Variants in STARD10 observed in about 807,000 individuals in gnomAD.
The protein encoded by STARD10 is StAR related lipid transfer domain containing 10.
Under a neutral mutation model 36.0 loss-of-function variants are expected in STARD10, and 24 were observed. The observed-to-expected ratio is 0.67, with a 90% CI of 0.48 to 0.94. The LOEUF (loss-of-function observed/expected upper bound fraction) is 0.94. STARD10 is among the 40% of genes least tolerant of loss of function. The probability of loss-of-function intolerance (pLI) is 0.00; values close to 1 mark genes in which losing one functional copy is unlikely to be tolerated. For missense variants in STARD10, 335 were observed against 396.6 expected, an observed-to-expected ratio of 0.84 and a Z score of 1.32; for synonymous variants, 156 against 161.9, an observed-to-expected ratio of 0.96 and a Z score of 0.28.
chr11:72,784,275 G>A (rs1261648702), intron 1 of STARD10, among the ~76,000 whole-genome samples: 3 of 152,224 alleles, frequency 2.0e-5, no homozygotes, highest in African/African-American at 4.8e-5. Context: ...GGAGTCTGGG[G>A]AGGACCCACA....
At chr11:72,766,511 G>A (rs1858792772) in intron 2 of STARD10, among the ~76,000 whole-genome samples, 1 of 152,212 alleles carries the variant, frequency 6.6e-6, no homozygotes, top group Non-Finnish European at 1.5e-5. Flanking sequence ...GGGCAGGAAA[G>A]GGCATTTCAG....
At chr11:72,755,306 C>CAT in intron 6 of STARD10, 164 bp from the exon 7 acceptor site, 2 of 355,968 alleles carry the variant, frequency 5.6e-6, no homozygotes, top group Non-Finnish European at 9.5e-6. Flanking sequence ...ATTCTCCATT[C>CAT]TTTTTTTTTT....
chr11:72,775,102 T>C (rs1858913384), intron 2 of STARD10, among the ~76,000 whole-genome samples: 4 of 152,172 alleles, frequency 2.6e-5, no homozygotes. Flanking sequence ...CTGCTTAGGA[T>C]GCAGGCCCCA....
At chr11:72,755,173 G>C in intron 6 of STARD10, 31 bp from the exon 7 acceptor site, 1 of 1,587,794 alleles carries the variant, frequency 6.3e-7, no homozygotes, top group African/African-American at 1.3e-5. Context: ...CGGGTCAGGG[G>C]GTGGCTAGGG....
chr11:72,778,351 C>T (rs1478975221), intron 2 of STARD10, among the ~76,000 whole-genome samples: 3 of 152,156 alleles, frequency 2.0e-5, no homozygotes, highest in East Asian at 1.9e-4. Context: ...AGACTAGCCT[C>T]GGGGTAAATT....
intron 2 of STARD10, among the ~76,000 whole-genome samples, chr11:72,764,019 G>A (rs1335528081): frequency 1.3e-5 from 2 of 152,210 alleles, no homozygotes; most frequent in South Asian, 2.1e-4. Context: ...GCACTCAAGC[G>A]TGGCTTCTGA....
rs1244458041 is a variant in STARD10 at position 72,784,259 on chromosome 11, G to A, written c.-113-2965C>T. The stretch of plus-strand genomic sequence containing the variant: ...AGCCCAGGAGGGCTGGAGGGGCTCT[G>A]GGAGAGGAGTCTGGGGAGGACCCAC... On this transcript the variant is annotated intron_variant, in intron 1 of 6. Transcript: ENST00000334805. Among the ~76,000 whole-genome samples the A allele has an allele frequency of 3.9e-5, 6 of 152,314 alleles. No individual in the cohort carries two copies. The East Asian group carries it at 1.2e-3, about 29-fold the overall frequency.
intron 2 of STARD10, among the ~76,000 whole-genome samples, chr11:72,771,851 C>T (rs987815186): frequency 6.6e-6 from 1 of 152,142 alleles, no homozygotes; most frequent in Non-Finnish European, 1.5e-5. Context: ...GAAAGGGAGG[C>T]AGAGAGTGGA....
At chr11:72,780,774 C>T (rs1286214636) in intron 2 of STARD10, 1 of 610,014 alleles carries the variant, frequency 1.6e-6, no homozygotes, top group Non-Finnish European at 2.9e-6. Flanking sequence ...GTGAGTCACT[C>T]CTGCTCTCCA....
intron 2 of STARD10, among the ~76,000 whole-genome samples, chr11:72,774,537 C>T (rs896535673): frequency 3.9e-5 from 6 of 152,214 alleles, no homozygotes; most frequent in Non-Finnish European, 8.8e-5. Flanking sequence ...CCAAGCATGC[C>T]AGAGGGGATG....
At chr11:72,757,948 T>C in intron 4 of STARD10, 64 bp from the exon 5 acceptor site, 1 of 1,437,250 alleles carries the variant, frequency 7.0e-7, no homozygotes, top group Non-Finnish European at 9.8e-7. Flanking sequence ...TTTTTGTGAG[T>C]ATACACAAAC....
chr11:72,777,154 T>C (rs1002280880), intron 2 of STARD10, among the ~76,000 whole-genome samples: 41 of 152,366 alleles, frequency 2.7e-4, no homozygotes, highest in African/African-American at 9.9e-4. Context: ...CTGTCCTCTC[T>C]CCACCAGGGT....
intron 2 of STARD10, among the ~76,000 whole-genome samples, chr11:72,763,834 A>G (rs1181349488): frequency 6.6e-6 from 1 of 152,184 alleles, no homozygotes; most frequent in African/African-American, 2.4e-5. Flanking sequence ...CCAAATGTTC[A>G]ACACGCACTC....
At chr11:72,758,706 A>G in intron 3 of STARD10, 73 bp from the exon 4 acceptor site, 1 of 1,107,962 alleles carries the variant, frequency 9.0e-7, no homozygotes, top group South Asian at 1.4e-5. Context: ...GGCAGAGGCC[A>G]GAGATGCAGG....
chr11:72,780,187 G>A (rs1261149049), intron 2 of STARD10: 1 of 448,490 alleles, frequency 2.2e-6, no homozygotes, highest in Non-Finnish European at 4.5e-6. Flanking sequence ...GCCCCATCTG[G>A]TCCCCTGGGG....
At position 72,781,129 on chromosome 11, in the gene STARD10, C is replaced by G. The variant is rs759957038; in HGVS notation, c.53G>C (p.Gly18Ala). Residue 18 changes from glycine (G) to alanine (A), a missense_variant, in exon 2 of 7, where the codon GGC (glycine) becomes GCC (alanine). Physicochemically the swap from Gly to Ala is moderately conservative, Grantham distance 60. Transcript: ENST00000334805. This position sits in a 1 kb window ranked among gnomAD's most constrained non-coding sequence, Gnocchi z 4.7. ...ATCGGGCACCTGGACACTCTCACGG[C>G]CCAGGACCGGCCGAGGCCCTTGGGG... is the stretch of plus-strand genomic sequence containing the variant. ...TEPQGPRPVL[G>A]RESVQVPDDQ... The G allele has an allele frequency of 6.2e-7, 1 of 1,613,618 alleles. No individual in the cohort carries two copies. Among genetic ancestry groups the G allele is most frequent in the Non-Finnish European group, 8.5e-7 (1 of 1,180,036 alleles).
chr11:72,757,004 G>A (rs1032087089), intron 5 of STARD10, among the ~76,000 whole-genome samples: 1 of 152,078 alleles, frequency 6.6e-6, no homozygotes, highest in African/African-American at 2.4e-5. Flanking sequence ...AGTTAGCTGG[G>A]GGTGGTGACA....
intron 2 of STARD10, among the ~76,000 whole-genome samples, chr11:72,766,425 T>C (rs1252113405): frequency 6.6e-6 from 1 of 152,106 alleles, no homozygotes; most frequent in Non-Finnish European, 1.5e-5. Context: ...CGAGCAGGGC[T>C]AGGAGAGGCG....
intron 2 of STARD10, among the ~76,000 whole-genome samples, chr11:72,776,376 T>C (rs537411192): frequency 6.6e-6 from 1 of 152,172 alleles, no homozygotes; most frequent in Admixed American, 6.5e-5. Flanking sequence ...CTAGATGAAG[T>C]CATGCGCCTG....
Sources: gnomAD v4.1 joint callset for allele counts (sites outside exome capture counted in the v4.1 genomes callset) on GRCh38, gnomAD v4.1.1 for gene constraint, Gnocchi (gnomAD v3.1) non-coding constraint, MANE v1.5 for transcripts, NCBI Gene and HGNC (gene_info 2026-07-23, HGNC 2026-07-21) for gene names.